LARGE1: variants seen among roughly 807,000 people sequenced by gnomAD.
The protein encoded by LARGE1 is LARGE xylosyl- and glucuronyltransferase 1, also known as xylosyl- and glucuronyltransferase LARGE1.
Under a neutral mutation model 87.6 loss-of-function variants are expected in LARGE1, and 43 were observed. That is an observed-to-expected ratio of 0.49 (90% CI 0.38 to 0.63). The LOEUF (loss-of-function observed/expected upper bound fraction) is 0.63, where lower values mean the gene tolerates loss of function less well. Ranked by LOEUF, LARGE1 falls within the 30% of genes least tolerant of loss-of-function variation. LARGE1 has a pLI of 0.00. For missense variants in LARGE1, 802 were observed against 1,000.2 expected, an observed-to-expected ratio of 0.80 and a Z score of 2.67; for synonymous variants, 434 against 394.6, an observed-to-expected ratio of 1.10 and a Z score of -1.18.
intron 11 of LARGE1, among the ~76,000 whole-genome samples, chr22:33,193,570 G>A (rs75078921): frequency 0.03 from 4,597 of 152,180 alleles, 95 homozygotes; most frequent in Admixed American, 0.056. Flanking sequence ...CCAGCACTTT[G>A]GGAGGTCAGG....
intron 6 of LARGE1, among the ~76,000 whole-genome samples, chr22:33,472,046 A>C (rs927169753): frequency 1.3e-5 from 2 of 151,966 alleles, no homozygotes; most frequent in African/African-American, 4.8e-5. Context: ...TGAGACTCTG[A>C]CTCAAAAAAA....
intron 11 of LARGE1, among the ~76,000 whole-genome samples, chr22:33,192,753 G>A (rs1923850007): frequency 2.0e-5 from 3 of 152,206 alleles, no homozygotes; most frequent in East Asian, 1.9e-4. Flanking sequence ...CCAGATTAAT[G>A]TCAAGAGGCT....
intron 1 of LARGE1, among the ~76,000 whole-genome samples, chr22:33,891,014 GGTT>G: frequency 1.2e-4 from 1 of 8,448 alleles, no homozygotes; most frequent in African/African-American, 3.6e-3. Flanking sequence ...GGCTCCATAT[GGTT>G]CTGTGCATAT....
At chr22:33,717,449 T>C (rs1282784032) in intron 2 of LARGE1, among the ~76,000 whole-genome samples, 2 of 152,230 alleles carry the variant, frequency 1.3e-5, no homozygotes, top group Non-Finnish European at 2.9e-5. Context: ...TATTGATACA[T>C]TCCTGGACTC....
At chr22:33,667,041 C>T (rs1272938804) in intron 2 of LARGE1, among the ~76,000 whole-genome samples, 11 of 152,134 alleles carry the variant, frequency 7.2e-5, no homozygotes, top group African/African-American at 2.4e-4. Flanking sequence ...ACATAGGAGA[C>T]CTCTCTCTCT....
rs560675241 is a variant in LARGE1 at position 33,512,202 on chromosome 22, G to T, written c.787+52646C>A. 5.4e-4 allele frequency among the ~76,000 whole-genome samples: 82 copies of T among 152,216 alleles called. 1 individual carries two copies. The South Asian group carries it at 0.017, about 31-fold the overall frequency. ...AGAGAATTCAAATCCTTTGACCCAG[G>T]AATCATACTATGCTAATTTATATTA... On this transcript the variant is annotated intron_variant, in intron 6 of 14. Coordinates refer to ENST00000397394, the MANE Select transcript of LARGE1 (RefSeq NM_133642.5).
At chr22:33,281,301 A>G (rs1213596816) in intron 13 of LARGE1, among the ~76,000 whole-genome samples, 1 of 152,094 alleles carries the variant, frequency 6.6e-6, no homozygotes, top group African/African-American at 2.4e-5. Flanking sequence ...CCATCAGACT[A>G]TGGCATTCAT....
intron 2 of LARGE1, among the ~76,000 whole-genome samples, chr22:33,737,286 G>T (rs889086864): frequency 6.6e-6 from 1 of 152,108 alleles, no homozygotes; most frequent in Non-Finnish European, 1.5e-5. Context: ...CATTCACTCA[G>T]CTGAACTCAC....
At chr22:33,368,234 T>C (rs1172052566) in intron 9 of LARGE1, among the ~76,000 whole-genome samples, 2 of 151,784 alleles carry the variant, frequency 1.3e-5, no homozygotes, top group East Asian at 3.9e-4. Flanking sequence ...ATTTCAACAT[T>C]TGAAAAAAAA....
chr22:33,471,512 T>C (rs114697297), intron 6 of LARGE1, among the ~76,000 whole-genome samples: 2,698 of 152,280 alleles, frequency 0.018, 92 homozygotes, highest in African/African-American at 0.061. Context: ...TATGGTCTCT[T>C]CTCTCTCATC....
At chr22:33,228,649 A>C (rs1264033120) in intron 11 of LARGE1, among the ~76,000 whole-genome samples, 1 of 152,238 alleles carries the variant, frequency 6.6e-6, no homozygotes, top group African/African-American at 2.4e-5. Flanking sequence ...CTGCAATACC[A>C]GCTTTGCTCC....
At chr22:33,857,480 A>C in intron 1 of LARGE1, among the ~76,000 whole-genome samples, 1 of 152,250 alleles carries the variant, frequency 6.6e-6, no homozygotes, top group East Asian at 1.9e-4. Flanking sequence ...GTTTTCAAGG[A>C]CACATACTAA....
chr22:33,829,379 T>G (rs1178318264), intron 1 of LARGE1, among the ~76,000 whole-genome samples: 1 of 152,000 alleles, frequency 6.6e-6, no homozygotes, highest in South Asian at 2.1e-4. Flanking sequence ...CTGACCCCAC[T>G]ACCATTAAAC....
chr22:33,305,663 A>G (rs1934778116), intron 11 of LARGE1: 1 of 916,190 alleles, frequency 1.1e-6, no homozygotes, highest in African/African-American at 1.8e-5. Context: ...TCTTGTTTCA[A>G]TGGCCTTTTT....
intron 7 of LARGE1, among the ~76,000 whole-genome samples, chr22:33,402,448 C>A (rs2065955696): frequency 6.6e-6 from 1 of 152,126 alleles, no homozygotes; most frequent in Admixed American, 6.6e-5. Context: ...GGAATGACAG[C>A]AAGAATACAG....
At chr22:33,711,286 G>T (rs1192776621) in intron 2 of LARGE1, among the ~76,000 whole-genome samples, 4 of 152,202 alleles carry the variant, frequency 2.6e-5, no homozygotes, top group East Asian at 1.9e-4. Context: ...CAGCAGGATA[G>T]GAGACAGGGA....
chr22:33,187,026 T>C (rs758295096), intron 11 of LARGE1, among the ~76,000 whole-genome samples: 5 of 152,198 alleles, frequency 3.3e-5, no homozygotes, highest in Non-Finnish European at 7.4e-5. Flanking sequence ...CTCAATTGAT[T>C]TTTGAAAGGC....
intron 3 of LARGE1, among the ~76,000 whole-genome samples, chr22:33,636,760 G>T (rs1339871091): frequency 6.6e-6 from 1 of 151,616 alleles, no homozygotes; most frequent in Non-Finnish European, 1.5e-5. Flanking sequence ...TTGAACTCCT[G>T]TGCTCAAGTA....
At chr22:33,892,215 T>C (rs527541272) in intron 1 of LARGE1, among the ~76,000 whole-genome samples, 2 of 152,146 alleles carry the variant, frequency 1.3e-5, no homozygotes, top group African/African-American at 4.8e-5. Context: ...GATCACTTAT[T>C]TCTAGTCATG....
Sources: gnomAD v4.1 joint callset for allele counts (sites outside exome capture counted in the v4.1 genomes callset) on GRCh38, gnomAD v4.1.1 for gene constraint, MANE v1.5 for transcripts, NCBI Gene and HGNC (gene_info 2026-07-23, HGNC 2026-07-21) for gene names.